TBC1D4: variants seen among roughly 807,000 people sequenced by gnomAD.
TBC1D4 encodes TBC1 domain family member 4, also known as TBC (Tre-2, BUB2, CDC16) domain-containing protein.
TBC1D4 carries 121 observed loss-of-function variants against 142.5 expected under a neutral mutation model. The ratio of observed to expected loss-of-function variants is 0.85; its 90% CI spans 0.73 to 0.99. The LOEUF (loss-of-function observed/expected upper bound fraction) is 0.99. Among genes scored for constraint, TBC1D4 ranks in the 50% least tolerant of loss-of-function variants. The pLI is 0.00. For missense variants in TBC1D4, 1,475 were observed against 1,606.6 expected, an observed-to-expected ratio of 0.92 and a Z score of 1.40; for synonymous variants, 630 against 628.2, an observed-to-expected ratio of 1.00 and a Z score of -0.04.
chr13:75,296,289 C>T (rs1301520419), intron 17 of TBC1D4, among the ~76,000 whole-genome samples: 3 of 150,706 alleles, frequency 2.0e-5, no homozygotes, highest in Admixed American at 6.6e-5. Flanking sequence ...ATCGTAGAAA[C>T]GAGAAATTCT....
chr13:75,373,345 A>G (rs1883319516), intron 1 of TBC1D4, among the ~76,000 whole-genome samples: 1 of 152,222 alleles, frequency 6.6e-6, no homozygotes. Flanking sequence ...CCTTATAAAC[A>G]TTATCATTAA....
intron 7 of TBC1D4, among the ~76,000 whole-genome samples, chr13:75,337,686 G>C (rs1219066204): frequency 6.6e-6 from 1 of 152,148 alleles, no homozygotes; most frequent in East Asian, 1.9e-4. Flanking sequence ...CTTGGGGAGG[G>C]AATAGCAACA....
intron 14 of TBC1D4, among the ~76,000 whole-genome samples, chr13:75,309,008 C>A (rs1010984907): frequency 4.6e-5 from 7 of 151,972 alleles, no homozygotes; most frequent in African/African-American, 1.4e-4. Context: ...AATACCTATA[C>A]TAAAAAAGCT....
At chr13:75,312,992 G>A (rs1477904025) in intron 12 of TBC1D4, 94 bp from the exon 13 acceptor site, 15 of 1,402,860 alleles carry the variant, frequency 1.1e-5, no homozygotes, top group African/African-American at 5.6e-5. Flanking sequence ...CACAAGTTCT[G>A]TCACGGGCAA....
intron 1 of TBC1D4, among the ~76,000 whole-genome samples, chr13:75,447,667 T>C (rs912272086): frequency 1.3e-5 from 2 of 151,992 alleles, no homozygotes; most frequent in African/African-American, 4.8e-5. Flanking sequence ...CAGCAGGAGG[T>C]GAGCGGCAGG....
At chr13:75,409,402 T>C (rs7328246) in intron 1 of TBC1D4, among the ~76,000 whole-genome samples, 30,232 of 152,140 alleles carry the variant, frequency 0.2, 3,107 homozygotes, top group East Asian at 0.32. Context: ...AATTTAGAAA[T>C]AGGAAAGTAA....
At chr13:75,354,040 T>C (rs570632758) in intron 4 of TBC1D4, among the ~76,000 whole-genome samples, 1 of 152,180 alleles carries the variant, frequency 6.6e-6, no homozygotes, top group Non-Finnish European at 1.5e-5. Context: ...CGTGTGGGTT[T>C]CAGTAGCAAG....
At chr13:75,336,660 G>T (rs556129839) in intron 8 of TBC1D4, among the ~76,000 whole-genome samples, 1 of 152,216 alleles carries the variant, frequency 6.6e-6, no homozygotes, top group Admixed American at 6.5e-5. Context: ...AGAATCGCTT[G>T]AATGCAGGAG....
intron 13 of TBC1D4, among the ~76,000 whole-genome samples, chr13:75,312,424 A>AAG: frequency 7.4e-6 from 1 of 136,016 alleles, no homozygotes; most frequent in East Asian, 2.0e-4. Flanking sequence ...GGGAAAAAAA[A>AAG]AAAGAAAGAA....
chr13:75,470,122 C>G (rs1357296110), intron 1 of TBC1D4, among the ~76,000 whole-genome samples: 1 of 152,028 alleles, frequency 6.6e-6, no homozygotes, highest in Non-Finnish European at 1.5e-5. Context: ...AGTTAAAATA[C>G]CTATTATTTT....
chr13:75,474,873 G>A (rs1462077714), intron 1 of TBC1D4, among the ~76,000 whole-genome samples: 3 of 152,054 alleles, frequency 2.0e-5, no homozygotes, highest in African/African-American at 7.2e-5. Flanking sequence ...CTGACCTCAG[G>A]TGACCCGCCT....
At chr13:75,363,415 C>G (rs575283363) in intron 1 of TBC1D4, among the ~76,000 whole-genome samples, 1 of 152,224 alleles carries the variant, frequency 6.6e-6, no homozygotes, top group Non-Finnish European at 1.5e-5. Context: ...TACCTCCTAT[C>G]TATTCAAAGT....
chr13:75,344,641 C>T (rs1026791570), intron 5 of TBC1D4, among the ~76,000 whole-genome samples: 4 of 152,144 alleles, frequency 2.6e-5, no homozygotes, highest in African/African-American at 4.8e-5. Context: ...CATTCCCCTT[C>T]GATGCCACCC....
chr13:75,325,598 G>A (rs1042971161), intron 10 of TBC1D4, among the ~76,000 whole-genome samples: 4 of 152,054 alleles, frequency 2.6e-5, no homozygotes. Context: ...GCAACTTTTT[G>A]TTAAATTATG....
chr13:75,315,097 A>C (rs942108188), intron 12 of TBC1D4, among the ~76,000 whole-genome samples: 1 of 152,014 alleles, frequency 6.6e-6, no homozygotes, highest in Non-Finnish European at 1.5e-5. Flanking sequence ...ACTTGAGGTC[A>C]AGAGTTTGAG....
chr13:75,456,133 G>C (rs1887726804), intron 1 of TBC1D4, among the ~76,000 whole-genome samples: 1 of 151,886 alleles, frequency 6.6e-6, no homozygotes, highest in East Asian at 1.9e-4. Context: ...TCTCACATAG[G>C]CTTAGTGTCC....
chr13:75,303,428 A>G (rs1876798041), intron 15 of TBC1D4, among the ~76,000 whole-genome samples: 1 of 152,254 alleles, frequency 6.6e-6, no homozygotes, highest in Admixed American at 6.5e-5. Flanking sequence ...ATGAAACATT[A>G]ACTCTAGTAT....
intron 5 of TBC1D4, 119 bp downstream of exon 5, chr13:75,349,051 G>A: frequency 6.7e-7 from 1 of 1,498,910 alleles, no homozygotes. Context: ...CATGAGAAAT[G>A]ATTCTTTGGG....
chr13:75,446,655 C>A (rs2147853), intron 1 of TBC1D4, among the ~76,000 whole-genome samples: 31,421 of 152,110 alleles, frequency 0.21, 3,730 homozygotes, highest in Non-Finnish European at 0.27. Flanking sequence ...ACACTGAATT[C>A]TAAATGAAAT....
Sources: gnomAD v4.1 joint callset for allele counts (sites outside exome capture counted in the v4.1 genomes callset) on GRCh38, gnomAD v4.1.1 for gene constraint, MANE v1.5 for transcripts, NCBI Gene and HGNC (gene_info 2026-07-23, HGNC 2026-07-21) for gene names.